Variants in RALYL observed in about 807,000 individuals in gnomAD.
RALYL encodes the protein RALY RNA binding protein like.
Under a neutral mutation model 35.1 loss-of-function variants are expected in RALYL, and 29 were observed. The observed-to-expected ratio is 0.83, with a 90% CI of 0.61 to 1.13. RALYL has a LOEUF of 1.13. Among genes scored for constraint, RALYL ranks in the 50% most tolerant of loss-of-function variants. The pLI is 0.00. For synonymous variants in RALYL, 120 were observed against 127.6 expected (o/e 0.94, Z 0.40); for missense variants, 359 against 360.4 (o/e 1.00, Z 0.03).
At chr8:84,547,667 C>T (rs2060455390) in intron 2 of RALYL, among the ~76,000 whole-genome samples, 1 of 144,354 alleles carries the variant, frequency 6.9e-6, no homozygotes, top group Admixed American at 7.0e-5. Context: ...GCATGAGCCA[C>T]TGTACTCAGC....
Position 84,598,634 on chromosome 8 carries a change from T to C in RALYL, c.256+69057T>C, listed in dbSNP as rs565000504. ...GTTTGTTGAATAAATTAAAATGTCT[T>C]ATATATATCTCAACTAACAATAGTC... On this transcript the variant is annotated intron_variant, in intron 2 of 8. Coordinates refer to ENST00000521268, the MANE Select transcript of RALYL (RefSeq NM_173848.7). Among the ~76,000 whole-genome samples, 3 of 152,242 alleles carry C rather than the reference T, an allele frequency of 2.0e-5. No homozygotes were observed. The East Asian group carries it at 5.8e-4, about 29-fold the overall frequency.
chr8:84,697,693 T>G (rs1839413869), intron 2 of RALYL, among the ~76,000 whole-genome samples: 1 of 152,046 alleles, frequency 6.6e-6, no homozygotes, highest in South Asian at 2.1e-4. Context: ...ACCCAGGTAT[T>G]AAGCCTAGTA....
chr8:84,236,034 G>A (rs1826474235), intron 1 of RALYL, among the ~76,000 whole-genome samples: 1 of 151,866 alleles, frequency 6.6e-6, no homozygotes, highest in Non-Finnish European at 1.5e-5. Context: ...CAAAGTGCTG[G>A]GATTACAGAT....
At chr8:84,319,920 A>AGTTC (rs1844479377) in intron 1 of RALYL, among the ~76,000 whole-genome samples, 2 of 152,022 alleles carry the variant, frequency 1.3e-5, no homozygotes, top group Non-Finnish European at 2.9e-5. Context: ...ATATGTAACT[A>AGTTC]GTTCTGTTTT....
At chr8:84,856,599 T>C (rs1015938416) in intron 5 of RALYL, among the ~76,000 whole-genome samples, 5 of 152,148 alleles carry the variant, frequency 3.3e-5, no homozygotes, top group Non-Finnish European at 2.9e-5. Context: ...TCAGGTAGAG[T>C]GTGCCTTTTA....
chr8:84,373,332 G>A (rs77220203), intron 1 of RALYL, among the ~76,000 whole-genome samples: 1,846 of 151,890 alleles, frequency 0.012, 45 homozygotes, highest in African/African-American at 0.042. Flanking sequence ...GGTCATCATT[G>A]AGGGTTTTTA....
At chr8:84,340,428 C>T (rs746953979) in intron 1 of RALYL, among the ~76,000 whole-genome samples, 11 of 152,084 alleles carry the variant, frequency 7.2e-5, no homozygotes, top group Non-Finnish European at 1.3e-4. Context: ...CATTGAACTG[C>T]AACTCCCCAT....
chr8:84,299,354 G>T (rs1412575552), intron 1 of RALYL, among the ~76,000 whole-genome samples: 1 of 151,992 alleles, frequency 6.6e-6, no homozygotes, highest in African/African-American at 2.4e-5. Flanking sequence ...TTGATGTGCT[G>T]CTGGATTCAG....
intron 2 of RALYL, among the ~76,000 whole-genome samples, chr8:84,682,120 C>T (rs577501136): frequency 6.6e-6 from 1 of 152,214 alleles, no homozygotes; most frequent in Admixed American, 6.5e-5. Context: ...GTCTTTGGTT[C>T]TGTTTATATG....
At chr8:84,671,369 G>A (rs1223820370) in intron 2 of RALYL, among the ~76,000 whole-genome samples, 1 of 152,122 alleles carries the variant, frequency 6.6e-6, no homozygotes, top group African/African-American at 2.4e-5. Context: ...GAGGATGGGG[G>A]CCCTCTTCTT....
intron 1 of RALYL, among the ~76,000 whole-genome samples, chr8:84,265,665 A>T: frequency 6.8e-6 from 1 of 146,930 alleles, no homozygotes; most frequent in African/African-American, 2.4e-5. Context: ...ACTGTAAAAT[A>T]AAAAACTTGG....
chr8:84,899,468 TA>T (rs1203127343), intron 8 of RALYL, among the ~76,000 whole-genome samples: 2 of 152,202 alleles, frequency 1.3e-5, no homozygotes, highest in Non-Finnish European at 2.9e-5. Context: ...TCAAACATAT[TA>T]TGAGCATTTT....
chr8:84,759,108 T>G (rs1242970445), intron 2 of RALYL, among the ~76,000 whole-genome samples: 1 of 152,112 alleles, frequency 6.6e-6, no homozygotes, highest in Non-Finnish European at 1.5e-5. Context: ...CACTATGACC[T>G]CCTCTTCTTC....
At chr8:84,707,882 C>T (rs549745930) in intron 2 of RALYL, among the ~76,000 whole-genome samples, 21 of 152,082 alleles carry the variant, frequency 1.4e-4, no homozygotes, top group African/African-American at 4.6e-4. Flanking sequence ...TGGAATTTTC[C>T]CATCACCAAA....
chr8:84,728,547 C>T (rs1373113505), intron 2 of RALYL, among the ~76,000 whole-genome samples: 2 of 151,940 alleles, frequency 1.3e-5, no homozygotes, highest in East Asian at 3.9e-4. Context: ...GAAGTCCTTG[C>T]CCATGCCTAT....
intron 2 of RALYL, among the ~76,000 whole-genome samples, chr8:84,554,156 T>A (rs1012721344): frequency 1.3e-5 from 2 of 152,308 alleles, no homozygotes; most frequent in East Asian, 1.9e-4. Flanking sequence ...CCTAAAAAAA[T>A]TAAGTAATCA....
At chr8:84,777,687 G>T (rs552227839) in intron 3 of RALYL, among the ~76,000 whole-genome samples, 1 of 152,134 alleles carries the variant, frequency 6.6e-6, no homozygotes, top group Non-Finnish European at 1.5e-5. Flanking sequence ...GGTCGCTCAG[G>T]CTGGAGTGCA....
At chr8:84,597,322 A>T (rs1324987908) in intron 2 of RALYL, among the ~76,000 whole-genome samples, 1 of 152,102 alleles carries the variant, frequency 6.6e-6, no homozygotes, top group Non-Finnish European at 1.5e-5. Flanking sequence ...CCATCTACCT[A>T]GTCATTCGCT....
At chr8:84,740,172 C>T (rs557788749) in intron 2 of RALYL, among the ~76,000 whole-genome samples, 9 of 152,026 alleles carry the variant, frequency 5.9e-5, no homozygotes, top group South Asian at 2.1e-4. Context: ...TAGTTTTCTG[C>T]GTTATACTTC....
Sources: gnomAD v4.1 joint callset for allele counts (sites outside exome capture counted in the v4.1 genomes callset) on GRCh38, gnomAD v4.1.1 for gene constraint, MANE v1.5 for transcripts, NCBI Gene and HGNC (gene_info 2026-07-23, HGNC 2026-07-21) for gene names.